FOXK2: variants seen among roughly 807,000 people sequenced by gnomAD.
The protein encoded by FOXK2 is forkhead box K2, also known as forkhead box protein K2.
FOXK2 carries 24 observed loss-of-function variants against 53.3 expected under a neutral mutation model. The ratio of observed to expected loss-of-function variants is 0.45; its 90% CI spans 0.33 to 0.63. FOXK2 has a LOEUF of 0.63. FOXK2 is among the 30% of genes least tolerant of loss of function. The pLI is 0.03. For synonymous variants in FOXK2, 505 were observed against 407.1 expected, an observed-to-expected ratio of 1.24 and a Z score of -2.89; for missense variants, 952 against 910.5, an observed-to-expected ratio of 1.05 and a Z score of -0.59.
At position 82,520,307 on chromosome 17, in the gene FOXK2, T is replaced by A. The variant is rs1170539093; in HGVS notation, c.419T>A (p.Val140Glu). ...GCGCCGCCGCTGCAGCTGCCGCGCG[T>A]GTGAGTGGCCTCGGGGCGGGGCGGG... ...RGAPPLQLPRVCTFRFPSTNI... is the reference protein window; with the variant it reads ...RGAPPLQLPRECTFRFPSTNI... The change falls in exon 1 of 9, where the codon GTG (valine) becomes GAG (glutamate). Residue 140 changes from valine to glutamate, a missense_variant and splice_region_variant. By Grantham distance (121) the Val-to-Glu change is moderately radical (BLOSUM62 -2). Transcript: ENST00000335255. The A allele has an allele frequency of 1.9e-5, 24 of 1,247,592 alleles. No individual in the cohort carries two copies. The highest frequency in any genetic ancestry group is 2.3e-5 in the Non-Finnish European group (23 of 986,852). The allele number at this position is 1,247,592 out of a possible 1,614,324, so 77.3% of individuals were successfully genotyped here. A position where few individuals can be genotyped will look rare whatever the true frequency, so the allele number is the denominator to read the frequency against.
chr17:82,596,393 G>C (rs998486752), intron 8 of FOXK2, among the ~76,000 whole-genome samples: 8 of 150,904 alleles, frequency 5.3e-5, no homozygotes, highest in Non-Finnish European at 1.5e-5. Flanking sequence ...TGTAGGGGGA[G>C]CCTCAGAGCT....
chr17:82,527,867 C>G (rs1212105409), intron 1 of FOXK2, among the ~76,000 whole-genome samples: 1 of 152,198 alleles, frequency 6.6e-6, no homozygotes, highest in African/African-American at 2.4e-5. Flanking sequence ...GTGGCACCAT[C>G]ATAGCTCACT....
At chr17:82,583,033 A>G (rs762594824) in intron 5 of FOXK2, 99 bp downstream of exon 5, 99 of 809,850 alleles carry the variant, frequency 1.2e-4, no homozygotes, top group Non-Finnish European at 1.8e-4. Flanking sequence ...GAACTACTAA[A>G]TGCATTATGA....
rs1455679576 is a variant in FOXK2 at position 82,603,860 on chromosome 17, A to G, written c.*2361A>G. 1.3e-5 allele frequency: 2 copies of G among 152,152 alleles called. No homozygotes were observed. Among genetic ancestry groups the G allele is most frequent in the Non-Finnish European group, 2.9e-5 (2 of 68,046 alleles). 9.4% of individuals were successfully genotyped at this position (152,152 alleles called of 1,614,324 possible). Reference sequence around the variant, plus strand: ...TCACTTGGCTTTTTCATTGGTACCTAGGAATTTAAGAATATCGAAGCGAGA... The same window carrying G: ...TCACTTGGCTTTTTCATTGGTACCTGGGAATTTAAGAATATCGAAGCGAGA... On this transcript the variant is annotated 3_prime_UTR_variant, in exon 9 of 9. Transcript: ENST00000335255.
At chr17:82,572,803 T>TG (rs2044933328) in intron 4 of FOXK2, among the ~76,000 whole-genome samples, 1 of 152,104 alleles carries the variant, frequency 6.6e-6, no homozygotes, top group African/African-American at 2.4e-5. Context: ...CATGGCTTAG[T>TG]GGTAAGGATG....
intron 1 of FOXK2, among the ~76,000 whole-genome samples, chr17:82,535,126 T>G (rs1360298744): frequency 1.3e-5 from 2 of 152,224 alleles, no homozygotes; most frequent in Non-Finnish European, 2.9e-5. Flanking sequence ...CTTATCCACC[T>G]GCCTCAGCCT....
chr17:82,590,581 T>A (rs1479260310), intron 8 of FOXK2, among the ~76,000 whole-genome samples: 1 of 152,186 alleles, frequency 6.6e-6, no homozygotes, highest in East Asian at 1.9e-4. Flanking sequence ...TTTATTCATA[T>A]GTAGAGATTT....
At chr17:82,552,458 G>A (rs1233659768) in intron 1 of FOXK2, among the ~76,000 whole-genome samples, 1 of 152,082 alleles carries the variant, frequency 6.6e-6, no homozygotes, top group Non-Finnish European at 1.5e-5. Flanking sequence ...ACCCACCGTC[G>A]CTCCTGCCCT....
intron 8 of FOXK2, among the ~76,000 whole-genome samples, chr17:82,597,674 G>C (rs959012243): frequency 3.3e-5 from 5 of 151,858 alleles, no homozygotes; most frequent in Non-Finnish European, 5.9e-5. Flanking sequence ...TTTTGAGACA[G>C]AGTTTTGCTT....
In FOXK2 at chr17:82,522,561, C is replaced by T. The variant is rs369439617; in HGVS notation, c.419+2254C>T. Among the ~76,000 whole-genome samples the T allele has an allele frequency of 1.5e-3, 223 of 151,074 alleles. 1 individual carries two copies. The highest frequency in any genetic ancestry group is 5.1e-3 in the African/African-American group (210 of 41,166). On this transcript the variant is annotated intron_variant, in intron 1 of 8. Transcript: ENST00000335255. ...TTTTTTTTTGTATTTTTAGTAGAGA[C>T]GGGGTTTCACCATGCTAGCCAGGAT...
At chr17:82,567,467 C>T (rs370469669) in intron 2 of FOXK2, among the ~76,000 whole-genome samples, 42 of 152,166 alleles carry the variant, frequency 2.8e-4, no homozygotes, top group African/African-American at 9.4e-4. Context: ...TTCTGTGTCC[C>T]GGGCGCCCCC....
chr17:82,565,706 C>A (rs1356100346), intron 2 of FOXK2, among the ~76,000 whole-genome samples: 1 of 152,166 alleles, frequency 6.6e-6, no homozygotes, highest in Non-Finnish European at 1.5e-5. Flanking sequence ...TGTGCTGTTG[C>A]AAGGAATGCC....
intron 8 of FOXK2, among the ~76,000 whole-genome samples, chr17:82,591,970 C>G (rs1411551869): frequency 1.3e-5 from 2 of 152,244 alleles, no homozygotes; most frequent in African/African-American, 4.8e-5. Context: ...GTGCCGAGAT[C>G]TCAACTCACT....
chr17:82,595,890 G>T (rs887269376), intron 8 of FOXK2: 2 of 1,283,708 alleles, frequency 1.6e-6, no homozygotes, highest in Admixed American at 4.7e-5. Context: ...GGAGACAAGA[G>T]CAAAGCCTTT....
At chr17:82,534,594 GACTGCGCT>G in intron 1 of FOXK2, among the ~76,000 whole-genome samples, 1 of 152,152 alleles carries the variant, frequency 6.6e-6, no homozygotes, top group South Asian at 2.1e-4. Flanking sequence ...ACCCTCCTGG[GACTGCGCT>G]ACTGGAGCAC....
chr17:82,574,942 GTATT>G (rs1453795986), intron 4 of FOXK2, among the ~76,000 whole-genome samples: 1 of 152,232 alleles, frequency 6.6e-6, no homozygotes, highest in African/African-American at 2.4e-5. Context: ...TGGTACAAAA[GTATT>G]TAATAAGTGA....
intron 1 of FOXK2, among the ~76,000 whole-genome samples, chr17:82,532,435 C>A (rs1306168332): frequency 6.6e-6 from 1 of 151,812 alleles, no homozygotes; most frequent in South Asian, 2.1e-4. Context: ...TGAGCCACTG[C>A]GCCTGGCCTA....
intron 1 of FOXK2, among the ~76,000 whole-genome samples, chr17:82,527,004 G>A (rs1315078553): frequency 1.3e-5 from 2 of 152,132 alleles, no homozygotes; most frequent in African/African-American, 2.4e-5. Context: ...AGTCTGGTGT[G>A]TTTCCGTATT....
chr17:82,544,818 G>A (rs1176845098), intron 1 of FOXK2, among the ~76,000 whole-genome samples: 2 of 152,034 alleles, frequency 1.3e-5, no homozygotes, highest in Non-Finnish European at 2.9e-5. Context: ...GTGGCTTTGG[G>A]ACCTGGCTTC....
Sources: allele counts gnomAD v4.1 joint callset (sites outside exome capture counted in the v4.1 genomes callset), GRCh38; gene constraint gnomAD v4.1.1; transcripts MANE v1.5; gene names NCBI Gene and HGNC (gene_info 2026-07-23, HGNC 2026-07-21).